SIAH1: variants seen among roughly 807,000 people sequenced by gnomAD.
SIAH1 encodes the protein siah E3 ubiquitin protein ligase 1.
Under a neutral mutation model 20.0 loss-of-function variants are expected in SIAH1, and 2 were observed. The ratio of observed to expected loss-of-function variants is 0.10; its 90% CI spans 0.04 to 0.31. SIAH1 has a LOEUF of 0.31. Ranked by LOEUF, SIAH1 falls within the 10% of genes least tolerant of loss-of-function variation. SIAH1 has a pLI of 1.00. For synonymous variants in SIAH1, 118 were observed against 125.3 expected, an observed-to-expected ratio of 0.94 and a Z score of 0.39; for missense variants, 119 against 355.3, an observed-to-expected ratio of 0.33 and a Z score of 5.35.
intron 1 of SIAH1, among the ~76,000 whole-genome samples, chr16:48,382,642 G>A (rs1597034917): frequency 1.3e-5 from 2 of 152,106 alleles, no homozygotes; most frequent in African/African-American, 4.8e-5. Flanking sequence ...TTGGCGGGGG[G>A]ATGGAAGGTT....
At chr16:48,382,884 ATC>A (rs1245484684) in intron 1 of SIAH1, among the ~76,000 whole-genome samples, 3 of 152,348 alleles carry the variant, frequency 2.0e-5, no homozygotes, top group South Asian at 2.1e-4. Flanking sequence ...GTTATGTAAG[ATC>A]TGTTTTCAAA....
intron 1 of SIAH1, among the ~76,000 whole-genome samples, chr16:48,370,804 T>TTAA (rs1960964694): frequency 1.1e-5 from 1 of 94,316 alleles, no homozygotes; most frequent in African/African-American, 5.4e-5. Flanking sequence ...AGACTCCATC[T>TTAA]CAAAAAAAAA....
Position 48,361,658 on chromosome 16 carries a change from T to C in SIAH1, c.771A>G (p.Leu257=), listed in dbSNP as rs775586904. Reference sequence around the variant, plus strand: ...GCTGTGCAATGCTGGTGTCAAAGACTAGACAGTCGCTATTCATAATGGCTG... The same window carrying C: ...GCTGTGCAATGCTGGTGTCAAAGACCAGACAGTCGCTATTCATAATGGCTG... ...IATAIMNSDC[L]VFDTSIAQLF... is the part of the protein sequence containing the mutation. The change falls in exon 2 of 2, where the codon CTA becomes CTG. Residue 257 remains leucine, a synonymous_variant. Coordinates refer to ENST00000394725, the MANE Select transcript of SIAH1 (RefSeq NM_003031.4). 3 of 1,613,094 alleles carry C rather than the reference T, an allele frequency of 1.9e-6. No homozygotes were observed. Among genetic ancestry groups the C allele is most frequent in the Non-Finnish European group, 2.5e-6 (3 of 1,179,174 alleles).
In SIAH1 at chr16:48,362,550, A is replaced by G; in HGVS notation, c.-2-120T>C. The G allele has an allele frequency of 1.0e-6, 1 of 970,244 alleles. No individual in the cohort carries two copies. Among genetic ancestry groups the G allele is most frequent in the Non-Finnish European group, 1.5e-6 (1 of 654,262 alleles). 60.1% of individuals were successfully genotyped at this position (970,244 alleles called of 1,614,324 possible). On this transcript the variant is annotated intron_variant, in intron 1 of 1. Transcript: ENST00000394725. The surrounding 1 kb of genome is among the most constrained non-coding windows in gnomAD (Gnocchi z 4.2). ...TCATACAAAATTTACTGAGCAAAAG[A>G]GGAAGAAAAATAGGATTAAAAAAGA...
chr16:48,365,403 C>G, intron 1 of SIAH1: 1 of 1,614,040 alleles, frequency 6.2e-7, no homozygotes, highest in East Asian at 2.2e-5. Flanking sequence ...TCTTCCTTGT[C>G]CTGGCCGCTG....
rs745857486 is a variant in SIAH1, at chr16:48,365,078, T to A, written c.-2-2648A>T. 4 of 296,602 alleles carry A rather than the reference T, an allele frequency of 1.3e-5. No individual in the cohort carries two copies. In the Admixed American group the frequency reaches 1.8e-4, roughly 14 times the overall value. The allele number at this position is 296,602 out of a possible 1,614,324, so 18.4% of individuals were successfully genotyped here. ...CGGTATTTCTTGGGAACGGAGGTAT[T>A]ACAGGACAGCAACTGCTAAAGCCTC... On this transcript the variant is annotated intron_variant, in intron 1 of 1. Transcript: ENST00000394725.
intron 1 of SIAH1, 28 bp downstream of exon 1, chr16:48,385,176 C>G: frequency 3.8e-6 from 1 of 261,342 alleles, no homozygotes; most frequent in Non-Finnish European, 8.3e-6. Flanking sequence ...TCGCCGCCGG[C>G]TCCTCCCTCA....
chr16:48,364,462 T>C, intron 1 of SIAH1, among the ~76,000 whole-genome samples: 1 of 152,168 alleles, frequency 6.6e-6, no homozygotes, highest in Non-Finnish European at 1.5e-5. Flanking sequence ...AACGGGTATT[T>C]TAAAGTTCCA....
chr16:48,372,449 A>G (rs1194384641), intron 1 of SIAH1, among the ~76,000 whole-genome samples: 31 of 152,214 alleles, frequency 2.0e-4, no homozygotes, highest in Non-Finnish European at 1.5e-5. Flanking sequence ...TTAATATTTT[A>G]CTTTCATGTT....
intron 1 of SIAH1, chr16:48,363,853 G>A (rs924608557): frequency 1.8e-5 from 3 of 166,046 alleles, no homozygotes; most frequent in Admixed American, 6.6e-5. Context: ...GCTGGAAAAT[G>A]GCAGGCCACT....
chr16:48,385,580 T>C (rs1320820449), upstream of SIAH1: 3 of 151,902 alleles, frequency 2.0e-5, no homozygotes, highest in Non-Finnish European at 2.9e-5. Flanking sequence ...TGTGCGGGTC[T>C]CCAAAGGCGG....
rs748179770 is a variant in SIAH1, at chr16:48,362,388, G to A, written c.41C>T (p.Ser14Leu). 5 of 1,614,022 alleles carry A rather than the reference G, an allele frequency of 3.1e-6. No individual in the cohort carries two copies. The highest frequency in any genetic ancestry group is 1.3e-5 in the African/African-American group (1 of 74,930). The change falls in exon 2 of 2, where the codon TCG becomes TTG. Residue 14 changes from serine (S) to leucine (L), a missense_variant. Coordinates refer to ENST00000394725, the MANE Select transcript of SIAH1 (RefSeq NM_003031.4). The surrounding 1 kb of genome is among the most constrained non-coding windows in gnomAD (Gnocchi z 4.2). Reference sequence around the variant, plus strand: ...CACCCTCTGGGATGGTGGACACTTCGAGGTACCGGTAGGTAATGCTGTAGC... The same window carrying A: ...CACCCTCTGGGATGGTGGACACTTCAAGGTACCGGTAGGTAATGCTGTAGC... ...QTATALPTGT[S>L]KCPPSQRVPA...
At chr16:48,366,368 A>G (rs1301434686) in intron 1 of SIAH1, among the ~76,000 whole-genome samples, 4 of 152,152 alleles carry the variant, frequency 2.6e-5, no homozygotes, top group Admixed American at 1.3e-4. Flanking sequence ...ATCAACTACC[A>G]TATTTCCTCA....
At chr16:48,382,373 G>C (rs952435498) in intron 1 of SIAH1, among the ~76,000 whole-genome samples, 1 of 151,604 alleles carries the variant, frequency 6.6e-6, no homozygotes, top group Non-Finnish European at 1.5e-5. Context: ...AACATAGCAA[G>C]ACTATCTCAA....
chr16:48,369,304 G>A (rs1373531972), intron 1 of SIAH1, among the ~76,000 whole-genome samples: 1 of 152,184 alleles, frequency 6.6e-6, no homozygotes, highest in Non-Finnish European at 1.5e-5. Context: ...TAGAAAGATT[G>A]ATTACTGGAG....
chr16:48,365,333 C>T, intron 1 of SIAH1: 2 of 1,602,290 alleles, frequency 1.2e-6, no homozygotes. Context: ...GTTCCACTGA[C>T]TAATAGCGTT....
chr16:48,366,867 G>T (rs577105890), intron 1 of SIAH1, among the ~76,000 whole-genome samples: 1 of 152,322 alleles, frequency 6.6e-6, no homozygotes, highest in South Asian at 2.1e-4. Context: ...ATTAGGAAAA[G>T]AAATATAATT....
Position 48,362,293 on chromosome 16 carries a change from C to G in SIAH1, c.136G>C (p.Asp46His). Residue 46 changes from aspartate to histidine, a missense_variant, in exon 2 of 2, where the codon GAC becomes CAC. By Grantham distance (81) the Asp-to-His change is moderately conservative (BLOSUM62 -1). Around this residue, in one of 2 missense-constraint regions of SIAH1, gnomAD observed 84 missense variants for 307.8 expected, o/e 0.27. Coordinates refer to ENST00000394725, the MANE Select transcript of SIAH1 (RefSeq NM_003031.4). The surrounding 1 kb of genome is among the most constrained non-coding windows in gnomAD (Gnocchi z 4.2). ...ASLFECPVCF[D>H]YVLPPILQCQ... is the part of the protein sequence containing the mutation. Reference sequence around the variant, plus strand: ...TGAAGAATGGGCGGTAACACATAGTCAAAGCAGACTGGACACTCAAAAAGA... The same window carrying G: ...TGAAGAATGGGCGGTAACACATAGTGAAAGCAGACTGGACACTCAAAAAGA... The G allele has an allele frequency of 6.2e-7, 1 of 1,614,146 alleles. No homozygotes were observed. The highest frequency in any genetic ancestry group is 8.5e-7 in the Non-Finnish European group (1 of 1,180,030).
At chr16:48,372,604 T>G (rs1345295864) in intron 1 of SIAH1, among the ~76,000 whole-genome samples, 3 of 152,192 alleles carry the variant, frequency 2.0e-5, no homozygotes, top group Non-Finnish European at 4.4e-5. Flanking sequence ...AGAGAAAAGC[T>G]GAGGTCGATC....
Sources: gnomAD v4.1 joint callset for allele counts (sites outside exome capture counted in the v4.1 genomes callset) on GRCh38, gnomAD v4.1.1 for gene constraint, gnomAD v4.1.1 regional missense constraint, Gnocchi (gnomAD v3.1) non-coding constraint, MANE v1.5 for transcripts, NCBI Gene and HGNC (gene_info 2026-07-23, HGNC 2026-07-21) for gene names.